NCKAP5: variants seen among roughly 807,000 people sequenced by gnomAD.
NCKAP5 encodes the protein NCK associated protein 5, also known as nck-associated protein 5.
A neutral mutation model predicts 167.0 loss-of-function variants in NCKAP5; 92 were observed. That is an observed-to-expected ratio of 0.55 (90% CI 0.47 to 0.66). The LOEUF (loss-of-function observed/expected upper bound fraction) is 0.66. Ranked by LOEUF, NCKAP5 falls within the 30% of genes least tolerant of loss-of-function variation. NCKAP5 has a pLI of 0.00. For synonymous variants in NCKAP5, 891 were observed against 877.4 expected (o/e 1.02, Z -0.27); for missense variants, 2,378 against 2,315.0 (o/e 1.03, Z -0.56).
chr2:133,424,146 T>C (rs1424491589), intron 3 of NCKAP5, among the ~76,000 whole-genome samples: 2 of 152,156 alleles, frequency 1.3e-5, no homozygotes, highest in Admixed American at 6.5e-5. Context: ...TTGTTTAAGG[T>C]ACACACCAAA....
chr2:133,302,739 A>G (rs1680472840), intron 4 of NCKAP5, among the ~76,000 whole-genome samples: 1 of 149,072 alleles, frequency 6.7e-6, no homozygotes, highest in East Asian at 2.0e-4. Context: ...TATGTAACTA[A>G]CCTGCACAAT....
At chr2:133,203,231 T>C (rs1320933652) in intron 5 of NCKAP5, among the ~76,000 whole-genome samples, 1 of 152,150 alleles carries the variant, frequency 6.6e-6, no homozygotes, top group Non-Finnish European at 1.5e-5. Flanking sequence ...TGAGTTCATG[T>C]CCTTTGTAGG....
intron 3 of NCKAP5, among the ~76,000 whole-genome samples, chr2:133,436,608 C>G (rs1164680624): frequency 6.6e-6 from 1 of 152,162 alleles, no homozygotes; most frequent in African/African-American, 2.4e-5. Context: ...GGTGCCTTTT[C>G]CTACCTGTGC....
At chr2:133,371,615 A>T (rs1446818708) in intron 3 of NCKAP5, among the ~76,000 whole-genome samples, 2 of 152,216 alleles carry the variant, frequency 1.3e-5, no homozygotes, top group Non-Finnish European at 2.9e-5. Context: ...CTCTGAATGG[A>T]AGAGTGAGTT....
chr2:133,576,013 T>C, the NCKAP5 span, among the ~76,000 whole-genome samples: 1 of 152,230 alleles, frequency 6.6e-6, no homozygotes, highest in African/African-American at 2.4e-5. Flanking sequence ...GTGCTAGCCA[T>C]GTACAGCTGT....
intron 8 of NCKAP5, among the ~76,000 whole-genome samples, chr2:132,891,129 C>T (rs1177721189): frequency 6.6e-6 from 1 of 152,208 alleles, no homozygotes; most frequent in African/African-American, 2.4e-5. Context: ...ATAGAAAACA[C>T]TTCATAATGA....
intron 3 of NCKAP5, among the ~76,000 whole-genome samples, chr2:133,369,732 T>C (rs1289328504): frequency 3.3e-5 from 5 of 152,254 alleles, no homozygotes; most frequent in African/African-American, 4.8e-5. Flanking sequence ...AAGAACATGA[T>C]TTTATATGGC....
intron 1 of NCKAP5, among the ~76,000 whole-genome samples, chr2:133,563,564 T>TA (rs57901498): frequency 0.035 from 1,845 of 53,014 alleles, 236 homozygotes; most frequent in Admixed American, 0.043. Context: ...AAAGACTCCA[T>TA]AAAAAAAAAA....
chr2:133,172,696 G>A (rs2084299878), intron 5 of NCKAP5, among the ~76,000 whole-genome samples: 1 of 152,046 alleles, frequency 6.6e-6, no homozygotes, highest in Admixed American at 6.6e-5. Flanking sequence ...TGCCCAGGCT[G>A]GAGTGCAGTG....
chr2:132,767,500 C>A (rs1681610221), intron 16 of NCKAP5, among the ~76,000 whole-genome samples: 1 of 152,126 alleles, frequency 6.6e-6, no homozygotes, highest in Non-Finnish European at 1.5e-5. Flanking sequence ...CCCGCCTTGG[C>A]CTCCTAGTGC....
intron 11 of NCKAP5, among the ~76,000 whole-genome samples, chr2:132,818,032 C>T (rs1260031216): frequency 6.6e-6 from 1 of 152,230 alleles, no homozygotes; most frequent in Non-Finnish European, 1.5e-5. Context: ...ACTGCGGCCT[C>T]CACCTCTCGA....
At chr2:132,692,388 G>A (rs1481239553) in intron 19 of NCKAP5, among the ~76,000 whole-genome samples, 2 of 151,912 alleles carry the variant, frequency 1.3e-5, no homozygotes, top group African/African-American at 4.8e-5. Flanking sequence ...GCTGACCTCA[G>A]GTGATCCTCC....
At chr2:132,824,330 T>C (rs546713606) in intron 11 of NCKAP5, among the ~76,000 whole-genome samples, 1 of 152,308 alleles carries the variant, frequency 6.6e-6, no homozygotes, top group East Asian at 1.9e-4. Flanking sequence ...CATGCCAAGA[T>C]GACTGCTGCA....
intron 4 of NCKAP5, among the ~76,000 whole-genome samples, chr2:133,218,094 TTTG>T (rs1423461545): frequency 2.0e-5 from 3 of 151,764 alleles, no homozygotes; most frequent in African/African-American, 4.8e-5. Context: ...CCAAAGAGAT[TTTG>T]TTGTTATGGG....
chr2:132,893,838 C>T (rs1692919192), intron 8 of NCKAP5, among the ~76,000 whole-genome samples: 3 of 152,092 alleles, frequency 2.0e-5, no homozygotes, highest in South Asian at 4.1e-4. Flanking sequence ...TATAAATATA[C>T]ATTTTTGGGC....
At chr2:132,998,796 A>T (rs1314826072) in intron 6 of NCKAP5, among the ~76,000 whole-genome samples, 1 of 152,148 alleles carries the variant, frequency 6.6e-6, no homozygotes, top group Non-Finnish European at 1.5e-5. Context: ...CCCCAATATG[A>T]TTAAGAAATA....
At chr2:133,321,833 T>TA (rs1290093031) in intron 3 of NCKAP5, among the ~76,000 whole-genome samples, 2 of 152,108 alleles carry the variant, frequency 1.3e-5, no homozygotes, top group Admixed American at 6.6e-5. Context: ...CCACTTAAGC[T>TA]AAAAAACAAG....
chr2:132,878,802 C>T, intron 9 of NCKAP5, 46 bp downstream of exon 9: 3 of 1,419,762 alleles, frequency 2.1e-6, no homozygotes, highest in Non-Finnish European at 1.0e-6. Flanking sequence ...TTAAGGGAAT[C>T]CCAACTAGTC....
chr2:132,710,563 T>A (rs745462912), intron 19 of NCKAP5, among the ~76,000 whole-genome samples: 34 of 152,160 alleles, frequency 2.2e-4, no homozygotes, highest in Admixed American at 2.1e-3. Context: ...CTCAGAAGCA[T>A]AGCACATTTG....
Sources: allele counts gnomAD v4.1 joint callset (sites outside exome capture counted in the v4.1 genomes callset), GRCh38; gene constraint gnomAD v4.1.1; transcripts MANE v1.5; gene names NCBI Gene and HGNC (gene_info 2026-07-23, HGNC 2026-07-21).